Variants in SLCO1C1 observed in about 807,000 individuals in gnomAD.
The protein encoded by SLCO1C1 is solute carrier organic anion transporter family member 1C1.
SLCO1C1 carries 70 observed loss-of-function variants against 76.4 expected under a neutral mutation model. That is an observed-to-expected ratio of 0.92 (90% CI 0.76 to 1.12). The LOEUF is 1.12. SLCO1C1 is among the 50% of genes most tolerant of loss of function. SLCO1C1 has a pLI of 0.00. For missense variants in SLCO1C1, 912 were observed against 823.8 expected (o/e 1.11, Z -1.31); for synonymous variants, 306 against 286.1 (o/e 1.07, Z -0.70).
intron 11 of SLCO1C1, among the ~76,000 whole-genome samples, chr12:20,739,718 C>A (rs892425021): frequency 6.6e-6 from 1 of 152,076 alleles, no homozygotes; most frequent in Admixed American, 6.5e-5. Flanking sequence ...GGGTTTCATG[C>A]AAGTATGATG....
chr12:20,712,077 A>T (rs1454464535), intron 5 of SLCO1C1, among the ~76,000 whole-genome samples: 2 of 152,086 alleles, frequency 1.3e-5, no homozygotes, highest in African/African-American at 2.4e-5. Flanking sequence ...GTTTGGTCAT[A>T]CTTGTCAGCA....
In SLCO1C1 at chr12:20,715,143, T is replaced by A. The variant is rs746843372; in HGVS notation, c.534T>A (p.Cys178Ter). The part of the protein sequence containing the change: ...EKSKSKISNE[C>*]EVDTSSSMWI... ...CTGGTTTGCCTTTCTTTCAAGAATG[T>A]GAAGTGGACACTAGCTCTTCCATGT... The change falls in exon 6 of 15, where the codon TGT becomes TGA. Residue 178 changes from cysteine to a stop codon, truncating the protein, a stop_gained. Coordinates refer to ENST00000266509, the MANE Select transcript of SLCO1C1 (RefSeq NM_017435.5). LOFTEE classifies it high-confidence loss of function. 6.2e-7 allele frequency: 1 copy of A among 1,613,866 alleles called. No individual in the cohort carries two copies. The highest frequency in any genetic ancestry group is 8.5e-7 in the Non-Finnish European group (1 of 1,179,884).
intron 9 of SLCO1C1, among the ~76,000 whole-genome samples, chr12:20,729,481 A>C (rs929928232): frequency 6.6e-6 from 1 of 151,980 alleles, no homozygotes; most frequent in Non-Finnish European, 1.5e-5. Flanking sequence ...CGATACATAA[A>C]CTGAAAAAGC....
At chr12:20,721,482 T>C (rs1357355661) in intron 7 of SLCO1C1, among the ~76,000 whole-genome samples, 1 of 152,164 alleles carries the variant, frequency 6.6e-6, no homozygotes, top group Non-Finnish European at 1.5e-5. Context: ...AATGAAGGTA[T>C]GTACATTTTC....
At chr12:20,725,809 A>G (rs973120856) in intron 9 of SLCO1C1, among the ~76,000 whole-genome samples, 1 of 151,928 alleles carries the variant, frequency 6.6e-6, no homozygotes, top group Non-Finnish European at 1.5e-5. Context: ...CAACACTTGG[A>G]ATTGTCAATT....
intron 10 of SLCO1C1, among the ~76,000 whole-genome samples, chr12:20,734,961 T>C (rs1948471770): frequency 6.6e-6 from 1 of 152,164 alleles, no homozygotes; most frequent in African/African-American, 2.4e-5. Flanking sequence ...CATAACTATC[T>C]TGAAAGGAAA....
At position 20,753,213 on chromosome 12, in the gene SLCO1C1, GCCC is replaced by G. The variant is rs1949387827; in HGVS notation, c.*686_*688del. On this transcript the variant is annotated 3_prime_UTR_variant, in exon 15 of 15. Transcript: ENST00000266509. ...AAAGTAATAAAATTGATGTTAACAT[GCCC>G]AATTATTGTTCTTTTATGAATCCAA... The G allele has an allele frequency of 6.6e-6, 1 of 152,150 alleles. No individual in the cohort carries two copies. The highest frequency in any genetic ancestry group is 1.5e-5 in the Non-Finnish European group (1 of 68,020). 9.4% of individuals were successfully genotyped at this position (152,150 alleles called of 1,614,324 possible).
At chr12:20,733,231 T>C in intron 10 of SLCO1C1, 127 bp downstream of exon 10, 1 of 858,498 alleles carries the variant, frequency 1.2e-6, no homozygotes, top group Non-Finnish European at 1.7e-6. Flanking sequence ...AGTATTTTAT[T>C]GTGGAATAAC....
intron 9 of SLCO1C1, among the ~76,000 whole-genome samples, chr12:20,725,867 G>T (rs1048747404): frequency 6.6e-6 from 1 of 151,914 alleles, no homozygotes; most frequent in African/African-American, 2.4e-5. Flanking sequence ...GTATTTCATG[G>T]TGGTTTAATT....
intron 6 of SLCO1C1, 123 bp from the exon 7 acceptor site, chr12:20,717,009 G>C: frequency 1.3e-6 from 1 of 768,500 alleles, no homozygotes; most frequent in Non-Finnish European, 2.1e-6. Context: ...CTAAACACAT[G>C]CAAATGAGTT....
chr12:20,714,438 A>C (rs767550220), intron 5 of SLCO1C1, among the ~76,000 whole-genome samples: 2 of 152,228 alleles, frequency 1.3e-5, no homozygotes, highest in Non-Finnish European at 2.9e-5. Context: ...TCATATTAAG[A>C]CATGAATTTT....
chr12:20,728,102 A>T (rs988063325), intron 9 of SLCO1C1, among the ~76,000 whole-genome samples: 1 of 152,128 alleles, frequency 6.6e-6, no homozygotes, highest in Non-Finnish European at 1.5e-5. Context: ...TGTGATACTG[A>T]GAAGGGTTTT....
At chr12:20,723,397 TA>T (rs753394456) in intron 9 of SLCO1C1, 143 bp downstream of exon 9, 59 of 997,464 alleles carry the variant, frequency 5.9e-5, no homozygotes, top group Non-Finnish European at 7.7e-5. Context: ...AAGAATGTTG[TA>T]GCAAGAATTA....
chr12:20,744,371 C>G (rs1217620634), intron 13 of SLCO1C1, among the ~76,000 whole-genome samples: 1 of 151,786 alleles, frequency 6.6e-6, no homozygotes, highest in Admixed American at 6.6e-5. Context: ...TTGAAATTGG[C>G]AAAAGTATCA....
intron 5 of SLCO1C1, 101 bp downstream of exon 5, chr12:20,711,611 G>T (rs1313656523): frequency 1.6e-6 from 2 of 1,257,796 alleles, no homozygotes; most frequent in South Asian, 3.0e-5. Context: ...GCTCCCAAAA[G>T]CTTTACTACT....
At chr12:20,716,216 T>A (rs1200846420) in intron 6 of SLCO1C1, among the ~76,000 whole-genome samples, 1 of 152,124 alleles carries the variant, frequency 6.6e-6, no homozygotes, top group Non-Finnish European at 1.5e-5. Flanking sequence ...CAGCTCTTAC[T>A]CTAACAGAAA....
intron 14 of SLCO1C1, 134 bp downstream of exon 14, chr12:20,750,926 C>T: frequency 6.6e-7 from 1 of 1,523,506 alleles, no homozygotes; most frequent in Non-Finnish European, 9.0e-7. Context: ...AAAGTGTGAT[C>T]TGTAGTCATA....
Position 20,752,347 on chromosome 12 carries a change from C to T in SLCO1C1, c.1958C>T (p.Ser653Leu). ...CTAACTGTGATACTGGGCACAGTGT[C>T]AATTCTCCTAAGCATTGCAGTACTT... ...LGLTVILGTV[S>L]ILLSIAVLFI... The change falls in exon 15 of 15, where the codon TCA (serine) becomes TTA (leucine). Residue 653 changes from serine to leucine, a missense_variant. Physicochemically the swap from Ser to Leu is moderately radical, Grantham distance 145. Transcript: ENST00000266509. 3 of 1,611,684 alleles carry T rather than the reference C, an allele frequency of 1.9e-6. No homozygotes were observed. Among genetic ancestry groups the T allele is most frequent in the Non-Finnish European group, 2.5e-6 (3 of 1,178,538 alleles).
intron 13 of SLCO1C1, among the ~76,000 whole-genome samples, chr12:20,746,121 A>G (rs566596592): frequency 6.6e-6 from 1 of 152,172 alleles, no homozygotes; most frequent in Non-Finnish European, 1.5e-5. Flanking sequence ...AAAATGAATA[A>G]GCTATCAAAG....
Sources: allele counts gnomAD v4.1 joint callset (sites outside exome capture counted in the v4.1 genomes callset), GRCh38; gene constraint gnomAD v4.1.1; transcripts MANE v1.5; gene names NCBI Gene and HGNC (gene_info 2026-07-23, HGNC 2026-07-21).